Variants in SH3YL1 observed in about 807,000 individuals in gnomAD.
The protein encoded by SH3YL1 is SH3 and SYLF domain containing 1.
Under a neutral mutation model 45.8 loss-of-function variants are expected in SH3YL1, and 41 were observed. The observed-to-expected ratio is 0.89, with a 90% CI of 0.70 to 1.16. SH3YL1 has a LOEUF of 1.16. Ranked by LOEUF, SH3YL1 falls within the 50% of genes most tolerant of loss-of-function variation. The pLI is 0.00. For synonymous variants in SH3YL1, 152 were observed against 151.4 expected, an observed-to-expected ratio of 1.00 and a Z score of -0.03; for missense variants, 389 against 409.6, an observed-to-expected ratio of 0.95 and a Z score of 0.43.
At chr2:252,427 T>G (rs914548197) in intron 2 of SH3YL1, among the ~76,000 whole-genome samples, 2 of 152,066 alleles carry the variant, frequency 1.3e-5, no homozygotes, top group Non-Finnish European at 2.9e-5. Flanking sequence ...CATGTGGTGT[T>G]TAGGGCGCTG....
chr2:232,755 G>A (rs989894675), intron 6 of SH3YL1, among the ~76,000 whole-genome samples: 3 of 151,906 alleles, frequency 2.0e-5, no homozygotes, highest in African/African-American at 4.8e-5. Flanking sequence ...CTTAAAATGC[G>A]AAGTGGAAAA....
chr2:256,996 CCTATTT>C (rs1327168180), intron 1 of SH3YL1, among the ~76,000 whole-genome samples: 3 of 152,124 alleles, frequency 2.0e-5, no homozygotes, highest in Admixed American at 6.6e-5. Flanking sequence ...AACACTTTTT[CCTATTT>C]CTATATCTTG....
At chr2:242,887 C>T (rs1224193066) in intron 4 of SH3YL1, 1 of 1,445,674 alleles carries the variant, frequency 6.9e-7, no homozygotes, top group Non-Finnish European at 9.1e-7. Flanking sequence ...TATCAAACAA[C>T]AAAAAATGTA....
chr2:227,729 TGTTGTGA>T (rs1667850239), intron 8 of SH3YL1, among the ~76,000 whole-genome samples: 1 of 75,506 alleles, frequency 1.3e-5, no homozygotes, highest in Non-Finnish European at 3.5e-5. Context: ...TCATAATTTA[TGTTGTGA>T]ACGTGGGTTT....
intron 1 of SH3YL1, among the ~76,000 whole-genome samples, chr2:257,449 CTAACT>C (rs1231847707): frequency 6.6e-6 from 1 of 152,154 alleles, no homozygotes; most frequent in Non-Finnish European, 1.5e-5. Flanking sequence ...GAACTGCCAC[CTAACT>C]TAATATGTAG....
rs1468159060 is a variant in SH3YL1 at position 218,704 on chromosome 2, A to G, written c.*107T>C. The G allele has an allele frequency of 1.0e-6, 1 of 966,770 alleles. No individual in the cohort carries two copies. Among genetic ancestry groups the G allele is most frequent in the Admixed American group, 3.1e-5 (1 of 32,394 alleles). The allele number at this position is 966,770 out of a possible 1,614,324, so 59.9% of individuals were successfully genotyped here. ...TTTACATACGGAATGGAAATTTTGT[A>G]GAACAGAAGTTTTTTAAAATTTATA... On this transcript the variant is annotated 3_prime_UTR_variant, in exon 10 of 10. Transcript: ENST00000356150.
upstream of SH3YL1, chr2:264,317 G>T: frequency 3.1e-6 from 1 of 320,510 alleles, no homozygotes. Flanking sequence ...CGTGGACCCC[G>T]CGGGGCTCAA....
chr2:239,251 T>C (rs890544312), intron 4 of SH3YL1, among the ~76,000 whole-genome samples: 2 of 152,232 alleles, frequency 1.3e-5, no homozygotes, highest in Non-Finnish European at 2.9e-5. Flanking sequence ...TAAGCACGAA[T>C]GTCCTAAGGC....
intron 8 of SH3YL1, among the ~76,000 whole-genome samples, chr2:228,725 G>A (rs1431076979): frequency 1.3e-5 from 2 of 152,146 alleles, no homozygotes; most frequent in South Asian, 2.1e-4. Flanking sequence ...GGAGACAGAC[G>A]CAGGGGCAGG....
intron 7 of SH3YL1, 105 bp downstream of exon 7, chr2:230,918 C>A (rs895590251): frequency 6.6e-6 from 7 of 1,067,874 alleles, no homozygotes; most frequent in Non-Finnish European, 7.2e-6. Context: ...AGTGAAACTA[C>A]GAAGGAGGCT....
intron 4 of SH3YL1, among the ~76,000 whole-genome samples, chr2:243,977 C>T (rs943014063): frequency 2.6e-5 from 4 of 152,148 alleles, no homozygotes; most frequent in African/African-American, 9.6e-5. Flanking sequence ...TTTCTTTTTT[C>T]CCTATTGAGG....
In SH3YL1 at chr2:231,159, A is replaced by G; in HGVS notation, c.566T>C (p.Ile189Thr). 1 of 1,613,758 alleles carries G rather than the reference A, an allele frequency of 6.2e-7. No individual in the cohort carries two copies. Among genetic ancestry groups the G allele is most frequent in the Non-Finnish European group, 8.5e-7 (1 of 1,179,772 alleles). The change falls in exon 7 of 10, where the codon ATT (isoleucine) becomes ACT (threonine). Residue 189 changes from isoleucine to threonine, a missense_variant. By Grantham distance (89) the Ile-to-Thr change is moderately conservative (BLOSUM62 -1). Coordinates refer to ENST00000356150, the MANE Select transcript of SH3YL1 (RefSeq NM_015677.4). ...AGGCCGCGGTGTATCTCCAAATAAA[A>G]TGTCATAAGCTCGGATATCTTGACA... ...FYCQDIRAYD[I>T]LFGDTPRPAQ...
At chr2:256,698 A>G (rs1461353307) in intron 1 of SH3YL1, 1 of 152,376 alleles carries the variant, frequency 6.6e-6, no homozygotes, top group East Asian at 1.9e-4. Context: ...CATCTCAAAA[A>G]AAAGAAAAAG....
chr2:264,293 C>G (rs567999477), upstream of SH3YL1: 228 of 359,398 alleles, frequency 6.3e-4, no homozygotes, highest in African/African-American at 4.0e-3. Context: ...AGGCCCAAGG[C>G]CGCCCTGGTC....
chr2:236,711 A>G (rs1668319562), intron 4 of SH3YL1, among the ~76,000 whole-genome samples: 1 of 152,200 alleles, frequency 6.6e-6, no homozygotes, highest in African/African-American at 2.4e-5. Flanking sequence ...ATATGCCTTC[A>G]TTATACAGTT....
intron 5 of SH3YL1, 78 bp downstream of exon 5, chr2:234,082 T>C: frequency 9.4e-7 from 1 of 1,068,290 alleles, no homozygotes; most frequent in Non-Finnish European, 1.4e-6. Flanking sequence ...TTCATTTTAA[T>C]TCAAGTTTCC....
At chr2:254,240 A>AT (rs1357285536) in intron 1 of SH3YL1, among the ~76,000 whole-genome samples, 1 of 152,170 alleles carries the variant, frequency 6.6e-6, no homozygotes, top group African/African-American at 2.4e-5. Flanking sequence ...GCCGGCCTGC[A>AT]TTTCTATGGC....
At chr2:229,728 CAAAAA>C (rs397709071) in intron 8 of SH3YL1, among the ~76,000 whole-genome samples, 2 of 93,374 alleles carry the variant, frequency 2.1e-5, no homozygotes, top group African/African-American at 4.5e-5. Context: ...GACTCCGTCT[CAAAAA>C]AAAAAAAAAA....
intron 1 of SH3YL1, chr2:256,249 T>A (rs1669319657): frequency 6.6e-6 from 1 of 152,228 alleles, no homozygotes. Flanking sequence ...GATCAGCTCT[T>A]CCTTTTTGAC....
Sources: allele counts gnomAD v4.1 joint callset (sites outside exome capture counted in the v4.1 genomes callset), GRCh38; gene constraint gnomAD v4.1.1; transcripts MANE v1.5; gene names NCBI Gene and HGNC (gene_info 2026-07-23, HGNC 2026-07-21).